Variants in STK33 observed in about 807,000 individuals in gnomAD.
STK33 encodes serine/threonine kinase 33.
Under a neutral mutation model 58.0 loss-of-function variants are expected in STK33, and 52 were observed. The ratio of observed to expected loss-of-function variants is 0.90; its 90% confidence interval spans 0.72 to 1.13. The LOEUF is 1.13. STK33 is among the 50% of genes most tolerant of loss of function. The probability of loss-of-function intolerance (pLI) is 0.00; values close to 1 mark genes in which losing one functional copy is unlikely to be tolerated. For missense variants in STK33, 630 were observed against 604.2 expected, an observed-to-expected ratio of 1.04 and a Z score of -0.45; for synonymous variants, 215 against 200.1, an observed-to-expected ratio of 1.07 and a Z score of -0.63.
chr11:8,398,755 G>A (rs1161463511), intron 15 of STK33, among the ~76,000 whole-genome samples: 2 of 150,692 alleles, frequency 1.3e-5, no homozygotes, highest in African/African-American at 2.4e-5. Flanking sequence ...CAAAATAAAG[G>A]GATGGAGGAA....
chr11:8,539,322 GGTGCT>G (rs1565311555), intron 1 of STK33, among the ~76,000 whole-genome samples: 2 of 152,160 alleles, frequency 1.3e-5, no homozygotes, highest in Non-Finnish European at 2.9e-5. Context: ...TCTCTGACAC[GGTGCT>G]GCATCTCAAA....
intron 1 of STK33, among the ~76,000 whole-genome samples, chr11:8,588,444 CAACA>C (rs2032072130): frequency 6.6e-6 from 1 of 152,124 alleles, no homozygotes; most frequent in African/African-American, 2.4e-5. Context: ...ATGAAGTGTA[CAACA>C]AACAGTCAGG....
intron 1 of STK33, among the ~76,000 whole-genome samples, chr11:8,517,722 G>A (rs185850549): frequency 6.6e-6 from 1 of 152,310 alleles, no homozygotes; most frequent in East Asian, 1.9e-4. Flanking sequence ...ATTTGATAAA[G>A]AGGAGGAAAG....
chr11:8,406,094 G>A (rs779313232), intron 15 of STK33, among the ~76,000 whole-genome samples: 2 of 137,412 alleles, frequency 1.5e-5, no homozygotes, highest in Non-Finnish European at 3.0e-5. Context: ...AGTGAGCCGA[G>A]ATCGCGCCAC....
At chr11:8,457,526 G>C (rs1456998256) in intron 8 of STK33, 47 bp from the exon 9 acceptor site, 24 of 1,468,490 alleles carry the variant, frequency 1.6e-5, no homozygotes, top group African/African-American at 2.8e-5. Context: ...TATATATCTG[G>C]GGATCTTTAA....
At chr11:8,446,072 G>C (rs1564998387) in intron 11 of STK33, among the ~76,000 whole-genome samples, 1 of 152,036 alleles carries the variant, frequency 6.6e-6, no homozygotes. Context: ...TATTGGTGTA[G>C]TCAGGGATTC....
downstream of STK33, among the ~76,000 whole-genome samples, chr11:8,388,502 G>C (rs181357172): frequency 1.7e-3 from 265 of 152,330 alleles, no homozygotes; most frequent in Non-Finnish European, 1.6e-3. Flanking sequence ...GAAAAATGCA[G>C]GATCCTGAAG....
At chr11:8,353,702 G>A in the STK33 span, among the ~76,000 whole-genome samples, 5 of 152,294 alleles carry the variant, frequency 3.3e-5, no homozygotes, top group East Asian at 1.9e-4. Context: ...GGTCTTCCTC[G>A]GAGGAGGCCT....
rs1033804966 is a variant in STK33, at chr11:8,530,833, G to A, written c.-465-50219C>T. On this transcript the variant is annotated intron_variant, in intron 1 of 15. Coordinates refer to ENST00000687296, the MANE Select transcript of STK33 (RefSeq NM_001352389.2). ...GCCTCTCTGAGTTGCTGGGACCACA[G>A]GCGCCTGCCACCAAGCCCAGCTAAT... 4.6e-5 allele frequency among the ~76,000 whole-genome samples: 7 copies of A among 152,178 alleles called. 1 individual carries two copies. The highest frequency in any genetic ancestry group is 2.0e-4 in the Admixed American group (3 of 15,274).
chr11:8,493,273 C>T (rs1165768398), intron 1 of STK33, among the ~76,000 whole-genome samples: 2 of 151,824 alleles, frequency 1.3e-5, no homozygotes. Flanking sequence ...ATAGCACCAC[C>T]GATGACACAG....
At chr11:8,388,961 T>C (rs1848581420), downstream of STK33, among the ~76,000 whole-genome samples, 2 of 152,142 alleles carry the variant, frequency 1.3e-5, no homozygotes, top group African/African-American at 4.8e-5. Context: ...TTTTTGCCCT[T>C]TACTGTACTT....
chr11:8,491,889 A>T (rs1198500465), intron 1 of STK33, among the ~76,000 whole-genome samples: 1 of 152,212 alleles, frequency 6.6e-6, no homozygotes, highest in Non-Finnish European at 1.5e-5. Context: ...TAGACAAGCA[A>T]ATGCTGAGAG....
At chr11:8,351,356 G>T in the STK33 span, among the ~76,000 whole-genome samples, 1 of 152,154 alleles carries the variant, frequency 6.6e-6, no homozygotes, top group Non-Finnish European at 1.5e-5. Flanking sequence ...CCTGACCCCA[G>T]TCCACACTTA....
chr11:8,424,308 G>C (rs560450881), intron 14 of STK33, among the ~76,000 whole-genome samples: 57 of 134,532 alleles, frequency 4.2e-4, no homozygotes, highest in Non-Finnish European at 6.3e-4. Context: ...TCCCTACAAA[G>C]GACATGAACT....
At chr11:8,409,446 A>T (rs1468048125) in intron 15 of STK33, among the ~76,000 whole-genome samples, 2 of 152,232 alleles carry the variant, frequency 1.3e-5, no homozygotes, top group Non-Finnish European at 2.9e-5. Flanking sequence ...GCCAAGACCA[A>T]CATTAGTAGG....
chr11:8,523,854 G>A (rs1213658414), intron 1 of STK33, among the ~76,000 whole-genome samples: 4 of 152,240 alleles, frequency 2.6e-5, no homozygotes, highest in Non-Finnish European at 4.4e-5. Flanking sequence ...CCATGATGAC[G>A]ATGGCGGTTT....
At chr11:8,441,706 G>A (rs779501899) in intron 11 of STK33, among the ~76,000 whole-genome samples, 8 of 151,682 alleles carry the variant, frequency 5.3e-5, no homozygotes, top group South Asian at 4.2e-4. Flanking sequence ...CATGTCTATT[G>A]TACCTCTATA....
chr11:8,520,125 C>T (rs1301885646), intron 1 of STK33, among the ~76,000 whole-genome samples: 1 of 152,192 alleles, frequency 6.6e-6, no homozygotes, highest in Non-Finnish European at 1.5e-5. Context: ...TCCAGCAGCA[C>T]ATCAAAAAGC....
At chr11:8,491,066 C>A (rs1476781644) in intron 1 of STK33, among the ~76,000 whole-genome samples, 4 of 152,146 alleles carry the variant, frequency 2.6e-5, no homozygotes, top group South Asian at 2.1e-4. Context: ...TCGCCAGTAA[C>A]AGAACAAAGC....
Sources: gnomAD v4.1 joint callset for allele counts (sites outside exome capture counted in the v4.1 genomes callset) on GRCh38, gnomAD v4.1.1 for gene constraint, MANE v1.5 for transcripts, NCBI Gene and HGNC (gene_info 2026-07-23, HGNC 2026-07-21) for gene names.